MALRD1: variants seen among roughly 807,000 people sequenced by gnomAD.
MALRD1 encodes MAM and LDL-receptor class A domain-containing protein 1.
In MALRD1, 247 loss-of-function variants were observed where a neutral mutation model predicts 242.1. The ratio of observed to expected loss-of-function variants is 1.02; its 90% confidence interval spans 0.92 to 1.13. MALRD1 has a LOEUF of 1.13. Among genes scored for constraint, MALRD1 ranks in the 50% most tolerant of loss-of-function variants. The pLI is 0.00. For synonymous variants in MALRD1, 995 were observed against 866.6 expected, an observed-to-expected ratio of 1.15 and a Z score of -2.60; for missense variants, 2,989 against 2,533.1, an observed-to-expected ratio of 1.18 and a Z score of -3.86.
chr10:19,101,294 A>T (rs1836241619), intron 4 of MALRD1, among the ~76,000 whole-genome samples: 1 of 146,414 alleles, frequency 6.8e-6, no homozygotes. Flanking sequence ...TAAATATATA[A>T]CATATATCTA....
chr10:19,324,276 T>A (rs1462469215), intron 22 of MALRD1, among the ~76,000 whole-genome samples, 171 bp downstream of exon 22: 2 of 152,208 alleles, frequency 1.3e-5, no homozygotes, highest in Admixed American at 1.3e-4. Context: ...TGGACATGAA[T>A]AGCTAATAAG....
chr10:19,600,539 G>A (rs184553120), intron 34 of MALRD1, among the ~76,000 whole-genome samples: 7 of 152,304 alleles, frequency 4.6e-5, no homozygotes, highest in Admixed American at 2.6e-4. Flanking sequence ...AGGTGTGTGC[G>A]CCCTGAAGGG....
chr10:19,610,637 G>A (rs1173707544), intron 35 of MALRD1, among the ~76,000 whole-genome samples: 1 of 151,862 alleles, frequency 6.6e-6, no homozygotes, highest in Non-Finnish European at 1.5e-5. Context: ...GATTCAAAGG[G>A]GTTTGTATGC....
At chr10:19,047,117 A>G (rs993696820), upstream of MALRD1, among the ~76,000 whole-genome samples, 4 of 152,196 alleles carry the variant, frequency 2.6e-5, no homozygotes, top group African/African-American at 9.6e-5. Context: ...AGTACCAGAA[A>G]CATGCTGAGA....
At chr10:19,455,377 C>T (rs1206048921) in intron 29 of MALRD1, among the ~76,000 whole-genome samples, 2 of 152,204 alleles carry the variant, frequency 1.3e-5, no homozygotes, top group African/African-American at 4.8e-5. Context: ...AGGGAGCTTA[C>T]TATTAATACT....
intron 36 of MALRD1, among the ~76,000 whole-genome samples, chr10:19,662,283 TGAATG>T (rs1205152538): frequency 6.6e-6 from 1 of 152,104 alleles, no homozygotes; most frequent in Non-Finnish European, 1.5e-5. Flanking sequence ...AATCAAAGCT[TGAATG>T]GAAGTTAAAG....
At chr10:19,351,066 T>A (rs562501833) in intron 25 of MALRD1, among the ~76,000 whole-genome samples, 19 of 152,356 alleles carry the variant, frequency 1.2e-4, no homozygotes, top group African/African-American at 4.6e-4. Context: ...CACCCATTCT[T>A]GGTTGATCCT....
At chr10:19,094,290 C>T (rs1193927534) in intron 4 of MALRD1, among the ~76,000 whole-genome samples, 5 of 100,964 alleles carry the variant, frequency 5.0e-5, no homozygotes, top group East Asian at 2.8e-4. Flanking sequence ...GATATAGTCT[C>T]GTGGTGCGCC....
chr10:19,184,435 T>A (rs1012133638), intron 14 of MALRD1, among the ~76,000 whole-genome samples: 2 of 152,236 alleles, frequency 1.3e-5, no homozygotes, highest in Non-Finnish European at 2.9e-5. Flanking sequence ...CTCATCATTT[T>A]TGAAAGCTTA....
intron 32 of MALRD1, among the ~76,000 whole-genome samples, chr10:19,560,348 G>T (rs1455800061): frequency 6.6e-6 from 1 of 152,022 alleles, no homozygotes; most frequent in Admixed American, 6.6e-5. Context: ...GGCACCTGTA[G>T]TCCCAGCTAC....
At chr10:19,576,964 GT>G (rs11331552) in intron 33 of MALRD1, among the ~76,000 whole-genome samples, 54,750 of 123,046 alleles carry the variant, frequency 0.44, 7,414 homozygotes, top group African/African-American at 0.55. Flanking sequence ...CCACATTGTC[GT>G]TTTTTTTTTT....
rs144656060 is a variant in MALRD1, at chr10:19,100,690, A to C, written c.598-3289A>C. Among the ~76,000 whole-genome samples the C allele has an allele frequency of 1.5e-3, 227 of 152,288 alleles. 5 individuals carry two copies. In the East Asian group the frequency reaches 0.039, roughly 26 times the overall value. ...TAAATGACTTGTGTCATCTGAGTGA[A>C]AATGTCCAGCAGGCTGTGGAAACTG... On this transcript the variant is annotated intron_variant, in intron 4 of 39. Coordinates refer to ENST00000454679, the MANE Select transcript of MALRD1 (RefSeq NM_001142308.3).
intron 31 of MALRD1, among the ~76,000 whole-genome samples, chr10:19,500,466 A>G (rs1837919797): frequency 6.6e-6 from 1 of 152,236 alleles, no homozygotes; most frequent in Non-Finnish European, 1.5e-5. Flanking sequence ...AATTAAATCC[A>G]AGTTTTATAT....
intron 36 of MALRD1, among the ~76,000 whole-genome samples, chr10:19,655,589 C>A (rs1841117224): frequency 7.3e-6 from 1 of 137,860 alleles, no homozygotes. Flanking sequence ...ATTTTATTCA[C>A]AATTCTAATT....
chr10:19,363,233 T>C (rs763794882), intron 26 of MALRD1, among the ~76,000 whole-genome samples: 10 of 151,866 alleles, frequency 6.6e-5, no homozygotes, highest in Non-Finnish European at 1.3e-4. Context: ...GAAGAATGAA[T>C]AATAAAGGAT....
chr10:19,532,398 G>A (rs990793142), intron 32 of MALRD1, among the ~76,000 whole-genome samples: 1 of 152,054 alleles, frequency 6.6e-6, no homozygotes, highest in Non-Finnish European at 1.5e-5. Flanking sequence ...GGGATCACAG[G>A]CATGCATCAC....
At chr10:19,387,047 G>A (rs1005582381) in intron 26 of MALRD1, among the ~76,000 whole-genome samples, 2 of 152,108 alleles carry the variant, frequency 1.3e-5, no homozygotes, top group Non-Finnish European at 2.9e-5. Flanking sequence ...ATGCATAGCC[G>A]TGCTTCTAAG....
chr10:19,101,597 C>G (rs1184764570), intron 4 of MALRD1, among the ~76,000 whole-genome samples: 1 of 131,714 alleles, frequency 7.6e-6, no homozygotes, highest in Non-Finnish European at 1.5e-5. Context: ...ATATATAATA[C>G]ATAATTTTAT....
chr10:19,599,408 AG>A (rs2131572011), intron 34 of MALRD1, among the ~76,000 whole-genome samples: 1 of 152,284 alleles, frequency 6.6e-6, no homozygotes, highest in East Asian at 1.9e-4. Flanking sequence ...GAAGCAATAT[AG>A]TTTTTATCAA....
Sources: allele counts gnomAD v4.1 joint callset (sites outside exome capture counted in the v4.1 genomes callset), GRCh38; gene constraint gnomAD v4.1.1; transcripts MANE v1.5; gene names NCBI Gene and HGNC (gene_info 2026-07-23, HGNC 2026-07-21).